The following PHF21A variants were observed in gnomAD, a reference collection of about 807,000 sequenced individuals.
PHF21A encodes the protein BHC80a.
PHF21A carries 11 observed loss-of-function variants against 82.5 expected under a neutral mutation model. That is an observed-to-expected ratio of 0.13 (90% CI 0.08 to 0.22). PHF21A has a LOEUF of 0.22. Ranked by LOEUF, PHF21A falls within the 10% of genes least tolerant of loss-of-function variation. PHF21A has a pLI of 1.00. For synonymous variants in PHF21A, 297 were observed against 302.8 expected, an observed-to-expected ratio of 0.98 and a Z score of 0.20; for missense variants, 579 against 837.8, an observed-to-expected ratio of 0.69 and a Z score of 3.81.
At position 45,934,127 on chromosome 11, in the gene PHF21A, G is replaced by C. The variant is rs767330804; in HGVS notation, c.1887C>G (p.Ile629Met). 1 of 1,614,158 alleles carries C rather than the reference G, an allele frequency of 6.2e-7. No homozygotes were observed. The highest frequency in any genetic ancestry group is 8.5e-7 in the Non-Finnish European group (1 of 1,180,006). The change falls in exon 19 of 19, where the codon ATC (isoleucine) becomes ATG (methionine). Residue 629 changes from isoleucine (I) to methionine (M), a missense_variant. Physicochemically the swap from Ile to Met is conservative, Grantham distance 10. Transcript: ENST00000676320. ...VKQLIRLIHG[I>M]DLSKPVDSEA... ...CAGAGTCTACAGGTTTGGAGAGGTC[G>C]ATGCCGTGGATGAGGCGAATCAGCT...
At chr11:45,982,479 T>C (rs1056119687) in intron 6 of PHF21A, among the ~76,000 whole-genome samples, 2 of 152,186 alleles carry the variant, frequency 1.3e-5, no homozygotes, top group African/African-American at 2.4e-5. Context: ...CAAATGCTTA[T>C]AAAGTTAACT....
At chr11:46,055,851 G>A (rs2096447051) in intron 6 of PHF21A, among the ~76,000 whole-genome samples, 1 of 152,044 alleles carries the variant, frequency 6.6e-6, no homozygotes, top group African/African-American at 2.4e-5. Flanking sequence ...TATTTTACTT[G>A]GAGTTAAAAG....
chr11:45,945,934 T>A lies in PHF21A; in HGVS notation c.1358A>T (p.His453Leu). The change falls in exon 15 of 19, where the codon CAT becomes CTT. Residue 453 changes from histidine to leucine, a missense_variant. His to Leu is a moderately conservative substitution (Grantham distance 99). This residue lies in a region of PHF21A where 410 missense variants were observed against 642.1 expected (regional missense o/e 0.64). Transcript: ENST00000676320. ...CTTTTCATTTTCAGGGGAGTCAGGA[T>A]GACTGGATTGGGGGGATGTTGGGGT... ...ALTPTSPQSS[H>L]PDSPENEKTE... 6.2e-7 allele frequency: 1 copy of A among 1,613,326 alleles called. No individual in the cohort carries two copies. Among genetic ancestry groups the A allele is most frequent in the Non-Finnish European group, 8.5e-7 (1 of 1,179,692 alleles).
In PHF21A at chr11:46,076,831, G is replaced by GA; in HGVS notation, c.88-13dup. ...TTTAAGTCAGCATTCTGATTGGAAAGAAAAAATATCTGTGAGAAAGATATT... is the reference window on the plus strand; with the variant it reads ...TTTAAGTCAGCATTCTGATTGGAAAGAAAAAAATATCTGTGAGAAAGATATT... On this transcript the variant is annotated splice_polypyrimidine_tract_variant and intron_variant, in intron 5 of 18. Transcript: ENST00000676320. 2 of 1,601,112 alleles carry GA rather than the reference G, an allele frequency of 1.2e-6. No homozygotes were observed. The highest frequency in any genetic ancestry group is 1.1e-5 in the South Asian group (1 of 90,696).
chr11:46,028,259 G>A (rs559285475), intron 6 of PHF21A, among the ~76,000 whole-genome samples: 1 of 152,226 alleles, frequency 6.6e-6, no homozygotes, highest in Non-Finnish European at 1.5e-5. Flanking sequence ...ACTCAGGACT[G>A]TCCCTGAACT....
At chr11:46,082,465 T>C (rs994936924) in intron 4 of PHF21A, among the ~76,000 whole-genome samples, 11 of 152,180 alleles carry the variant, frequency 7.2e-5, no homozygotes, top group African/African-American at 2.2e-4. Flanking sequence ...ATTACAGATA[T>C]AACTGGAGTG....
chr11:46,086,998 T>G (rs1165124903), intron 3 of PHF21A, among the ~76,000 whole-genome samples: 2 of 152,206 alleles, frequency 1.3e-5, no homozygotes, highest in Admixed American at 6.5e-5. Flanking sequence ...TAAGATTATA[T>G]GCTTTGTCTA....
chr11:46,121,234 A>G lies in PHF21A; in HGVS notation c.-536T>C, dbSNP rs1853202828. 1.5e-5 allele frequency: 2 copies of G among 130,882 alleles called. No individual in the cohort carries two copies. 8.1% of individuals were successfully genotyped at this position (130,882 alleles called of 1,614,324 possible). A position where few individuals can be genotyped will look rare whatever the true frequency, so the allele number is the denominator to read the frequency against. On this transcript the variant is annotated 5_prime_UTR_variant, in exon 1 of 19. Transcript: ENST00000676320. Reference sequence around the variant, plus strand: ...GTTTCTTTCCTCCTCTTCCCCAGGCAAGGGGGGGTGGGGAGGAGGGGGTTG... The same window carrying G: ...GTTTCTTTCCTCCTCTTCCCCAGGCGAGGGGGGGTGGGGAGGAGGGGGTTG...
chr11:46,033,686 G>C (rs2095917156), intron 6 of PHF21A, among the ~76,000 whole-genome samples: 1 of 152,138 alleles, frequency 6.6e-6, no homozygotes. Context: ...GCCATATATG[G>C]CTATTGAGCA....
At position 45,932,985 on chromosome 11, in the gene PHF21A, TAAAG is replaced by T. The variant is rs764009363; in HGVS notation, c.*979_*982del. On this transcript the variant is annotated 3_prime_UTR_variant, in exon 19 of 19. Transcript: ENST00000676320. The surrounding 1 kb of genome is among the most constrained non-coding windows in gnomAD (Gnocchi z 4.3). ...AGAAAAAAAGAACAAAAACAAAAAT[TAAAG>T]AAAGAGAAAAGAAACGTCTCCATTC... is the stretch of plus-strand genomic sequence containing the variant. The T allele has an allele frequency of 5.9e-5, 9 of 152,512 alleles. No homozygotes were observed. The highest frequency in any genetic ancestry group is 1.9e-4 in the East Asian group (1 of 5,200). 9.4% of individuals were successfully genotyped at this position (152,512 alleles called of 1,614,324 possible). A position where few individuals can be genotyped will look rare whatever the true frequency, so the allele number is the denominator to read the frequency against.
At chr11:45,988,505 A>G (rs1234319769) in intron 6 of PHF21A, among the ~76,000 whole-genome samples, 1 of 152,220 alleles carries the variant, frequency 6.6e-6, no homozygotes, top group Non-Finnish European at 1.5e-5. Context: ...TAACAAAAGT[A>G]CATTCTTAAT....
chr11:46,020,247 C>T (rs866280791), intron 6 of PHF21A, among the ~76,000 whole-genome samples: 2 of 152,186 alleles, frequency 1.3e-5, no homozygotes, highest in Admixed American at 6.5e-5. Flanking sequence ...CATTCTCAGA[C>T]ATGGCATTTC....
chr11:46,014,202 C>G (rs908454728), intron 6 of PHF21A, among the ~76,000 whole-genome samples: 2 of 152,086 alleles, frequency 1.3e-5, no homozygotes, highest in Non-Finnish European at 2.9e-5. Flanking sequence ...GTTTACTGTT[C>G]CCATCTTTAT....
chr11:45,936,688 A>G (rs986270069), intron 16 of PHF21A, 119 bp from the exon 17 acceptor site: 1 of 720,266 alleles, frequency 1.4e-6, no homozygotes. Flanking sequence ...GATTTATGGT[A>G]GCAGTGTTGC....
chr11:46,013,436 C>G (rs528338017), intron 6 of PHF21A, among the ~76,000 whole-genome samples: 5 of 151,970 alleles, frequency 3.3e-5, no homozygotes, highest in Non-Finnish European at 7.4e-5. Flanking sequence ...GGCCCCAAAG[C>G]GAAAGAGTAG....
intron 6 of PHF21A, among the ~76,000 whole-genome samples, chr11:46,046,164 A>G (rs1440780482): frequency 6.6e-6 from 1 of 152,136 alleles, no homozygotes; most frequent in Non-Finnish European, 1.5e-5. Flanking sequence ...AGTGTCCCTG[A>G]GCTTATGCAC....
intron 6 of PHF21A, among the ~76,000 whole-genome samples, chr11:46,073,007 ATGAGAGTGAATCC>A (rs1485142769): frequency 6.6e-6 from 1 of 152,152 alleles, no homozygotes; most frequent in Non-Finnish European, 1.5e-5. Flanking sequence ...GGGAGTGAGA[ATGAGAGTGAATCC>A]TGTTAAATAA....
intron 6 of PHF21A, among the ~76,000 whole-genome samples, chr11:46,035,105 A>G (rs1052503295): frequency 6.6e-6 from 1 of 152,140 alleles, no homozygotes; most frequent in Non-Finnish European, 1.5e-5. Flanking sequence ...CCTTTCTGTG[A>G]TACCTTAACA....
chr11:46,029,275 T>C (rs550915457), intron 6 of PHF21A, among the ~76,000 whole-genome samples: 2 of 152,366 alleles, frequency 1.3e-5, no homozygotes, highest in South Asian at 4.1e-4. Flanking sequence ...TGTTGAATTT[T>C]TCCTCACATA....
Sources: gnomAD v4.1 joint callset for allele counts (sites outside exome capture counted in the v4.1 genomes callset) on GRCh38, gnomAD v4.1.1 for gene constraint, gnomAD v4.1.1 regional missense constraint, Gnocchi (gnomAD v3.1) non-coding constraint, MANE v1.5 for transcripts, NCBI Gene and HGNC (gene_info 2026-07-23, HGNC 2026-07-21) for gene names.